The following SH3RF3 variants were observed in gnomAD, a reference collection of about 807,000 sequenced individuals.
SH3RF3 encodes SH3 domain containing ring finger 3, also known as E3 ubiquitin-protein ligase SH3RF3.
In SH3RF3, 29 loss-of-function variants were observed where a neutral mutation model predicts 66.3. That is an observed-to-expected ratio of 0.44 (90% CI 0.33 to 0.60). The LOEUF (loss-of-function observed/expected upper bound fraction) is 0.60. Ranked by LOEUF, SH3RF3 falls within the 20% of genes least tolerant of loss-of-function variation. The pLI is 0.04. For synonymous variants in SH3RF3, 583 were observed against 532.0 expected, an observed-to-expected ratio of 1.10 and a Z score of -1.32; for missense variants, 1,194 against 1,190.9, an observed-to-expected ratio of 1.00 and a Z score of -0.04.
chr2:109,245,048 G>T (rs773966642), intron 1 of SH3RF3, among the ~76,000 whole-genome samples: 2 of 152,266 alleles, frequency 1.3e-5, no homozygotes, highest in Middle Eastern at 3.4e-3. Context: ...TAGTCCTGTT[G>T]TCTGGGCAGC....
rs183234063 is a variant in SH3RF3, at chr2:109,471,898, C to T, written c.2149-18707C>T. Among the ~76,000 whole-genome samples, 44 of 152,320 alleles carry T rather than the reference C, an allele frequency of 2.9e-4. No individual in the cohort carries two copies. The East Asian group carries it at 7.7e-3, about 27-fold the overall frequency. On this transcript the variant is annotated intron_variant, in intron 8 of 9. Coordinates refer to ENST00000309415, the MANE Select transcript of SH3RF3 (RefSeq NM_001099289.3). Reference sequence around the variant, plus strand: ...CAGGGAGAGCAGATGCCTGGCAGTTCTCTAGAAGGCAGGGGCTGTGTGAAC... The same window carrying T: ...CAGGGAGAGCAGATGCCTGGCAGTTTTCTAGAAGGCAGGGGCTGTGTGAAC...
chr2:109,242,232 C>T (rs1679801541), intron 1 of SH3RF3, among the ~76,000 whole-genome samples: 1 of 152,126 alleles, frequency 6.6e-6, no homozygotes, highest in African/African-American at 2.4e-5. Context: ...AGCACCTTGG[C>T]ACCATCTGGG....
intron 6 of SH3RF3, among the ~76,000 whole-genome samples, chr2:109,434,774 C>T (rs958036501): frequency 3.9e-5 from 6 of 152,242 alleles, no homozygotes; most frequent in African/African-American, 9.6e-5. Flanking sequence ...GTCCCTGGGC[C>T]GCAATAGCCA....
At chr2:109,475,951 C>G (rs1475940836) in intron 8 of SH3RF3, among the ~76,000 whole-genome samples, 2 of 152,190 alleles carry the variant, frequency 1.3e-5, no homozygotes, top group African/African-American at 2.4e-5. Flanking sequence ...CCAAAAACTT[C>G]CTGTGGTGAA....
rs771161551 is a variant in SH3RF3 at position 109,130,024 on chromosome 2, G to C, written c.484G>C (p.Gly162Arg). The change falls in exon 1 of 10, where the codon GGT becomes CGT. Residue 162 changes from glycine (G) to arginine (R), a missense_variant. Gly to Arg is a moderately radical substitution (Grantham distance 125). Transcript: ENST00000309415. Reference sequence around the variant, plus strand: ...GGGCGGCGCGGCAGGCAGCACCCCGGGTTCCCCGGTTTTCCTCTCCGCGGC... The same window carrying C: ...GGGCGGCGCGGCAGGCAGCACCCCGCGTTCCCCGGTTTTCCTCTCCGCGGC... ...GGGGAAGSTP[G>R]SPVFLSAAAG... The C allele has an allele frequency of 2.3e-6, 3 of 1,328,028 alleles. No homozygotes were observed. Among genetic ancestry groups the C allele is most frequent in the South Asian group, 2.1e-5 (1 of 48,592 alleles). The allele number at this position is 1,328,028 out of a possible 1,614,324, so 82.3% of individuals were successfully genotyped here.
At chr2:109,284,440 C>A (rs144991876) in intron 1 of SH3RF3, among the ~76,000 whole-genome samples, 1 of 152,096 alleles carries the variant, frequency 6.6e-6, no homozygotes, top group Admixed American at 6.5e-5. Flanking sequence ...TGGTCTAGGG[C>A]GTGTGGACTG....
Position 109,136,614 on chromosome 2 carries a change from C to T in SH3RF3, c.573+6501C>T, listed in dbSNP as rs554467468. On this transcript the variant is annotated intron_variant, in intron 1 of 9. Coordinates refer to ENST00000309415, the MANE Select transcript of SH3RF3 (RefSeq NM_001099289.3). ...TTGGAGGCCATTTAGAGCTGCAGCT[C>T]TCCTTTGGGAGACCTGAAGGAGGCC... Among the ~76,000 whole-genome samples, 38 of 152,318 alleles carry T rather than the reference C, an allele frequency of 2.5e-4. 1 individual carries two copies. In the South Asian group the frequency reaches 7.1e-3, roughly 28 times the overall value.
intron 1 of SH3RF3, among the ~76,000 whole-genome samples, chr2:109,188,953 GT>G: frequency 6.6e-6 from 1 of 151,930 alleles, no homozygotes; most frequent in South Asian, 2.1e-4. Context: ...ACCTGAAAAT[GT>G]TTGTGAAGTA....
chr2:109,492,888 C>T (rs918782305), intron 9 of SH3RF3, among the ~76,000 whole-genome samples: 7 of 152,086 alleles, frequency 4.6e-5, no homozygotes, highest in African/African-American at 1.7e-4. Flanking sequence ...GATCCATCAG[C>T]ACTGCCATGC....
At chr2:109,271,115 G>C (rs1262178672) in intron 1 of SH3RF3, among the ~76,000 whole-genome samples, 1 of 152,182 alleles carries the variant, frequency 6.6e-6, no homozygotes, top group African/African-American at 2.4e-5. Context: ...GCCAGCGAAC[G>C]GGGCGAAGTG....
chr2:109,170,333 T>TC (rs1677748410), intron 1 of SH3RF3, among the ~76,000 whole-genome samples: 1 of 146,066 alleles, frequency 6.8e-6, no homozygotes, highest in African/African-American at 2.7e-5. Context: ...CTCTCTCCTC[T>TC]CTCTCTCTCT....
At chr2:109,338,792 A>C (rs1007347345) in intron 1 of SH3RF3, among the ~76,000 whole-genome samples, 1 of 152,182 alleles carries the variant, frequency 6.6e-6, no homozygotes, top group Admixed American at 6.5e-5. Flanking sequence ...TCTTGACCTC[A>C]GGTGATCCAC....
intron 3 of SH3RF3, among the ~76,000 whole-genome samples, chr2:109,388,485 C>T (rs897234771): frequency 1.3e-5 from 2 of 152,212 alleles, no homozygotes; most frequent in Non-Finnish European, 2.9e-5. Flanking sequence ...CCAGGCCCCC[C>T]AGGTACTCTC....
chr2:109,494,446 C>CAT (rs1330747022), intron 9 of SH3RF3, among the ~76,000 whole-genome samples: 1 of 152,188 alleles, frequency 6.6e-6, no homozygotes, highest in Non-Finnish European at 1.5e-5. Context: ...GGAGCCCTAG[C>CAT]AGGTCGGAGC....
intron 1 of SH3RF3, among the ~76,000 whole-genome samples, chr2:109,211,129 C>A (rs776053424): frequency 6.6e-6 from 1 of 152,240 alleles, no homozygotes; most frequent in African/African-American, 2.4e-5. Flanking sequence ...CTGGAGAAAA[C>A]GTTACTTGCA....
intron 1 of SH3RF3, among the ~76,000 whole-genome samples, chr2:109,266,421 C>T (rs1680497001): frequency 6.6e-6 from 1 of 152,074 alleles, no homozygotes; most frequent in Admixed American, 6.6e-5. Context: ...ACAAGACTCG[C>T]AGGAACAAGT....
intron 8 of SH3RF3, among the ~76,000 whole-genome samples, chr2:109,453,649 T>A (rs1677953152): frequency 6.6e-6 from 1 of 152,208 alleles, no homozygotes; most frequent in Admixed American, 6.5e-5. Flanking sequence ...CATGAGGATG[T>A]ACCTGGCAGA....
chr2:109,312,406 G>A (rs1211284902), intron 1 of SH3RF3, among the ~76,000 whole-genome samples: 1 of 152,086 alleles, frequency 6.6e-6, no homozygotes, highest in South Asian at 2.1e-4. Context: ...GTGTGCCAGT[G>A]GAATTTATGT....
chr2:109,314,020 G>A (rs1681804434), intron 1 of SH3RF3, among the ~76,000 whole-genome samples: 1 of 152,168 alleles, frequency 6.6e-6, no homozygotes, highest in Non-Finnish European at 1.5e-5. Context: ...CAGGCTGTGG[G>A]ACACTGGACA....
Sources: gnomAD v4.1 joint callset for allele counts (sites outside exome capture counted in the v4.1 genomes callset) on GRCh38, gnomAD v4.1.1 for gene constraint, MANE v1.5 for transcripts, NCBI Gene and HGNC (gene_info 2026-07-23, HGNC 2026-07-21) for gene names.